ARMCX4: variants seen among roughly 807,000 people sequenced by gnomAD.
ARMCX4 encodes the protein armadillo repeat-containing X-linked protein 4.
In ARMCX4, 3 loss-of-function variants were observed where a neutral mutation model predicts 34.7. That is an observed-to-expected ratio of 0.09 (90% CI 0.04 to 0.22). ARMCX4 has a LOEUF of 0.22. ARMCX4 is among the 10% of genes least tolerant of loss of function. ARMCX4 has a pLI of 1.00. For synonymous variants in ARMCX4, 513 were observed against 632.8 expected (o/e 0.81, Z 2.84); for missense variants, 1,448 against 1,720.8 (o/e 0.84, Z 2.81).
intron 4 of ARMCX4, among the ~76,000 whole-genome samples, chrX:101,467,176 G>T (rs1423771336): frequency 8.9e-6 from 1 of 111,830 alleles, no homozygotes; most frequent in Non-Finnish European, 1.9e-5. Flanking sequence ...TTGAGACAGG[G>T]TCTCGCTCTG....
intron 4 of ARMCX4, among the ~76,000 whole-genome samples, chrX:101,472,421 G>A (rs1556003218): frequency 2.5e-5 from 2 of 79,188 alleles, no homozygotes; most frequent in African/African-American, 1.0e-4. Flanking sequence ...AATCTAGCAA[G>A]GCAGGCCAAC....
Position 101,494,978 on chromosome X carries a change from A to AT in ARMCX4, c.6389_6390insT (p.Thr2131HisfsTer26). 8.7e-7 allele frequency: 1 copy of AT among 1,155,118 alleles called. No homozygotes were observed. On this transcript the variant is annotated frameshift_variant, in exon 6 of 6. Transcript: ENST00000423738. LOFTEE classifies it high-confidence loss of function. Reference sequence around the variant, plus strand: ...ACTTACTTAAACCAAGTATGTGAAGACACTGTCACCTATCCCTTGAATTCA... The same window carrying AT: ...ACTTACTTAAACCAAGTATGTGAAGATCACTGTCACCTATCCCTTGAATTCA...
exon 8 of ARMCX4, chrX:101,505,324 G>C (rs1443058944): frequency 9.0e-6 from 1 of 111,081 alleles, no homozygotes; most frequent in East Asian, 2.8e-4. Flanking sequence ...GGATGTGACT[G>C]CCCAGTCTTG....
rs782359403 is a variant in ARMCX4 at position 101,488,806 on chromosome X, A to G, written c.217A>G (p.Ile73Val). ...GATTAAGACTAAACCCCAAGTCGAG[A>G]TTGGAGCAGAAACTGGAGCAAGAAG... Reference protein sequence around the residue: ...AEIKTKPQVEIGAETGARSGP... With the variant: ...AEIKTKPQVEVGAETGARSGP... The change falls in exon 6 of 6, where the codon ATT becomes GTT. Residue 73 changes from isoleucine to valine, a missense_variant. Around this residue, in one of 2 missense-constraint regions of ARMCX4, gnomAD observed 1,343 missense variants for 1,540.7 expected, o/e 0.87. Coordinates refer to ENST00000423738, the MANE Select transcript of ARMCX4 (RefSeq NM_001256155.3). 5.2e-6 allele frequency: 6 copies of G among 1,154,746 alleles called. No individual in the cohort carries two copies. The South Asian group carries it at 1.1e-4, about 22-fold the overall frequency.
chrX:101,497,499 A>G (rs1324286701), downstream of ARMCX4, among the ~76,000 whole-genome samples: 2 of 110,917 alleles, frequency 1.8e-5, no homozygotes, highest in African/African-American at 3.3e-5. Flanking sequence ...TCGGCCTCCC[A>G]AAGTGCTGGG....
chrX:101,484,986 C>A (rs909761231), upstream of ARMCX4, among the ~76,000 whole-genome samples: 1 of 111,577 alleles, frequency 9.0e-6, no homozygotes, highest in Non-Finnish European at 1.9e-5. Context: ...CTTCCTGATA[C>A]CCCCTTCCAC....
chrX:101,438,637 T>C (rs1930995212), intron 2 of ARMCX4, among the ~76,000 whole-genome samples: 1 of 111,648 alleles, frequency 9.0e-6, no homozygotes, highest in Non-Finnish European at 1.9e-5. Flanking sequence ...GGACTTGCTT[T>C]ATGAATCTGG....
At chrX:101,461,564 G>A (rs1349783598) in intron 4 of ARMCX4, among the ~76,000 whole-genome samples, 1 of 111,518 alleles carries the variant, frequency 9.0e-6, no homozygotes, top group Admixed American at 9.6e-5. Flanking sequence ...ATTTCTTTTG[G>A]CTATATACCC....
intron 11 of ARMCX4, among the ~76,000 whole-genome samples, chrX:101,529,017 T>C (rs1411616078): frequency 9.0e-6 from 1 of 111,365 alleles, no homozygotes; most frequent in Non-Finnish European, 1.9e-5. Context: ...AAAGAGCCCG[T>C]ATTGCCAAGA....
intron 2 of ARMCX4, among the ~76,000 whole-genome samples, chrX:101,433,525 TGA>T (rs1930458289): frequency 8.9e-6 from 1 of 111,847 alleles, no homozygotes; most frequent in Admixed American, 9.5e-5. Context: ...TCTCTGAGTC[TGA>T]GTTTCCTCAT....
intron 3 of ARMCX4, 81 bp from the exon 4 acceptor site, chrX:101,487,527 T>C (rs903708300): frequency 7.4e-6 from 3 of 403,996 alleles, no homozygotes; most frequent in Non-Finnish European, 1.2e-5. Flanking sequence ...GAGGCAGACA[T>C]TGGGGTCAGG....
chrX:101,444,654 A>G (rs1339264767), intron 3 of ARMCX4, among the ~76,000 whole-genome samples: 1 of 112,494 alleles, frequency 8.9e-6, no homozygotes, highest in Non-Finnish European at 1.9e-5. Flanking sequence ...TACCATTTCA[A>G]TAAGTGCCAG....
upstream of ARMCX4, among the ~76,000 whole-genome samples, chrX:101,483,982 C>A (rs897020927): frequency 2.7e-5 from 3 of 111,543 alleles, no homozygotes; most frequent in African/African-American, 6.5e-5. Flanking sequence ...CAGGTGGATG[C>A]GTGGGGACTA....
At chrX:101,488,134 CCAG>C in intron 5 of ARMCX4, 35 bp downstream of exon 5, 1 of 592,755 alleles carries the variant, frequency 1.7e-6, no homozygotes, top group South Asian at 2.5e-5. Flanking sequence ...AGACAGGTGA[CCAG>C]AGTAGGTCCA....
chrX:101,497,826 G>T (rs979655105), downstream of ARMCX4, among the ~76,000 whole-genome samples: 2 of 111,672 alleles, frequency 1.8e-5, no homozygotes, highest in African/African-American at 3.3e-5. Flanking sequence ...ACTAGCATTC[G>T]ATGGCCACCA....
chrX:101,520,917 C>T (rs919598687), intron 11 of ARMCX4, among the ~76,000 whole-genome samples: 16 of 107,263 alleles, frequency 1.5e-4, no homozygotes, highest in Admixed American at 2.0e-4. Flanking sequence ...AAAATTATTA[C>T]TAATTAAATG....
upstream of ARMCX4, among the ~76,000 whole-genome samples, chrX:101,481,909 G>GA (rs1248592059): frequency 8.1e-5 from 9 of 110,437 alleles, no homozygotes; most frequent in South Asian, 1.9e-3. Context: ...AATTTTAAAT[G>GA]AAAAAAAAGC....
intron 4 of ARMCX4, among the ~76,000 whole-genome samples, chrX:101,467,090 T>C (rs1394186352): frequency 3.6e-5 from 4 of 112,251 alleles, no homozygotes; most frequent in Non-Finnish European, 5.6e-5. Context: ...GGTAAAATTA[T>C]ATATAGAGAA....
At chrX:101,466,108 A>G (rs1331359254) in intron 4 of ARMCX4, among the ~76,000 whole-genome samples, 1 of 112,209 alleles carries the variant, frequency 8.9e-6, no homozygotes, top group Non-Finnish European at 1.9e-5. Flanking sequence ...TAACAAAGCT[A>G]ATAAAGGACT....
Sources: gnomAD v4.1 joint callset for allele counts (sites outside exome capture counted in the v4.1 genomes callset) on GRCh38, gnomAD v4.1.1 for gene constraint, gnomAD v4.1.1 regional missense constraint, MANE v1.5 for transcripts, NCBI Gene and HGNC (gene_info 2026-07-23, HGNC 2026-07-21) for gene names.